SV2C: variants seen among roughly 807,000 people sequenced by gnomAD.
SV2C encodes the protein solute carrier family 22 member B3.
In SV2C, 49 loss-of-function variants were observed where a neutral mutation model predicts 79.7. That is an observed-to-expected ratio of 0.61 (90% CI 0.49 to 0.78). The LOEUF (loss-of-function observed/expected upper bound fraction) is 0.78, where lower values mean the gene tolerates loss of function less well. Among genes scored for constraint, SV2C ranks in the 30% least tolerant of loss-of-function variants. SV2C has a pLI of 0.00. For missense variants in SV2C, 833 were observed against 912.9 expected (o/e 0.91, Z 1.13); for synonymous variants, 334 against 333.2 (o/e 1.00, Z -0.03).
chr5:76,089,951 A>G (rs1747319099), intron 1 of SV2C, among the ~76,000 whole-genome samples: 1 of 152,270 alleles, frequency 6.6e-6, no homozygotes, highest in South Asian at 2.1e-4. Context: ...ACTGTACTTT[A>G]AAAGGTATCT....
At chr5:75,936,879 A>C in the SV2C span, among the ~76,000 whole-genome samples, 1 of 152,196 alleles carries the variant, frequency 6.6e-6, no homozygotes, top group Non-Finnish European at 1.5e-5. Context: ...CTTAATCTAG[A>C]ACTATGCTAT....
At chr5:75,902,206 G>A in the SV2C span, among the ~76,000 whole-genome samples, 521 of 152,302 alleles carry the variant, frequency 3.4e-3, 1 homozygote, top group African/African-American at 0.012. Flanking sequence ...CTGTGGACCG[G>A]AGCTGTTCCT....
chr5:75,927,231 A>G, the SV2C span, among the ~76,000 whole-genome samples: 14 of 152,146 alleles, frequency 9.2e-5, no homozygotes, highest in Non-Finnish European at 2.1e-4. Flanking sequence ...TAGCCGAAAT[A>G]TGGAAACAAC....
chr5:76,043,212 C>T, the SV2C span, among the ~76,000 whole-genome samples: 1 of 152,196 alleles, frequency 6.6e-6, no homozygotes, highest in African/African-American at 2.4e-5. Context: ...CAGCCAGCCT[C>T]CAACATGGTT....
intron 2 of SV2C, among the ~76,000 whole-genome samples, chr5:76,140,580 G>C (rs952262509): frequency 3.3e-5 from 5 of 152,046 alleles, no homozygotes; most frequent in Non-Finnish European, 4.4e-5. Context: ...ACTGGCTCAC[G>C]GTGCATTGAA....
At chr5:75,848,005 A>G in the SV2C span, among the ~76,000 whole-genome samples, 390 of 152,348 alleles carry the variant, frequency 2.6e-3, 3 homozygotes, top group East Asian at 0.03. Context: ...TATGAAAAAA[A>G]GTAAACCAGA....
At chr5:76,273,146 G>GAT (rs369657969) in intron 4 of SV2C, among the ~76,000 whole-genome samples, 5,526 of 128,834 alleles carry the variant, frequency 0.043, 110 homozygotes, top group South Asian at 0.078. Context: ...TTACAAAAAA[G>GAT]ATATATATAT....
the SV2C span, among the ~76,000 whole-genome samples, chr5:76,048,709 G>A: frequency 6.6e-6 from 1 of 151,650 alleles, no homozygotes; most frequent in Admixed American, 6.6e-5. Flanking sequence ...ACACATAGAG[G>A]AAAGACCGTG....
At chr5:75,893,058 G>A in the SV2C span, among the ~76,000 whole-genome samples, 3 of 151,982 alleles carry the variant, frequency 2.0e-5, no homozygotes, top group African/African-American at 4.8e-5. Flanking sequence ...ATAAGCATCC[G>A]CTTTCCTCTG....
chr5:75,999,266 ATGTATGTG>A, the SV2C span, among the ~76,000 whole-genome samples: 3 of 150,960 alleles, frequency 2.0e-5, no homozygotes, highest in African/African-American at 7.3e-5. Flanking sequence ...GTATATATGT[ATGTATGTG>A]TGTATGTACA....
the SV2C span, among the ~76,000 whole-genome samples, chr5:75,849,140 A>T: frequency 1.3e-5 from 2 of 152,144 alleles, no homozygotes; most frequent in African/African-American, 4.8e-5. Context: ...AGTGTCTGGC[A>T]CATAGTAAGT....
At chr5:76,184,759 A>G (rs9293677) in intron 2 of SV2C, among the ~76,000 whole-genome samples, 120,685 of 152,004 alleles carry the variant, frequency 0.79, 48,486 homozygotes, top group East Asian at 0.91. Context: ...CGTGGGGATT[A>G]TTTCAATTCA....
chr5:75,920,268 T>C, the SV2C span, among the ~76,000 whole-genome samples: 1 of 152,202 alleles, frequency 6.6e-6, no homozygotes, highest in Non-Finnish European at 1.5e-5. Context: ...TGGGCCCTCC[T>C]TTTTTGGTCA....
intron 4 of SV2C, among the ~76,000 whole-genome samples, chr5:76,215,202 G>A (rs1293166116): frequency 6.6e-6 from 1 of 152,134 alleles, no homozygotes; most frequent in Admixed American, 6.6e-5. Flanking sequence ...TGGTTCTAAT[G>A]TGCAGCCAGG....
the SV2C span, among the ~76,000 whole-genome samples, chr5:75,967,432 G>A: frequency 3.9e-5 from 6 of 152,194 alleles, no homozygotes; most frequent in Non-Finnish European, 8.8e-5. Flanking sequence ...TCAAAGAAGG[G>A]GGTGATGGAC....
chr5:76,213,934 C>G (rs1312506541), intron 4 of SV2C, among the ~76,000 whole-genome samples: 1 of 152,138 alleles, frequency 6.6e-6, no homozygotes, highest in Admixed American at 6.5e-5. Flanking sequence ...TTCAACTTTT[C>G]AGATTTCACA....
the SV2C span, among the ~76,000 whole-genome samples, chr5:75,944,754 C>A: frequency 1.3e-5 from 2 of 152,236 alleles, no homozygotes; most frequent in East Asian, 3.9e-4. Context: ...GGGACTCTTG[C>A]TTTCCGGAGA....
chr5:76,098,467 G>A (rs2112112813), intron 1 of SV2C, among the ~76,000 whole-genome samples: 1 of 152,342 alleles, frequency 6.6e-6, no homozygotes, highest in Middle Eastern at 3.4e-3. Flanking sequence ...TAAAGCTGGA[G>A]TATTGATAAA....
chr5:76,195,495 G>A (rs1157784948), intron 3 of SV2C, among the ~76,000 whole-genome samples: 1 of 152,154 alleles, frequency 6.6e-6, no homozygotes, highest in African/African-American at 2.4e-5. Context: ...CAGGATTAGA[G>A]TGTCTCAAAT....
Sources: gnomAD v4.1 joint callset for allele counts (sites outside exome capture counted in the v4.1 genomes callset) on GRCh38, gnomAD v4.1.1 for gene constraint, MANE v1.5 for transcripts, NCBI Gene and HGNC (gene_info 2026-07-23, HGNC 2026-07-21) for gene names.